Variants in ELAVL1 observed in about 807,000 individuals in gnomAD.
ELAVL1 encodes ELAV like RNA binding protein 1, also known as ELAV-like protein 1.
A neutral mutation model predicts 28.4 loss-of-function variants in ELAVL1; 1 was observed. The observed-to-expected ratio is 0.04, with a 90% CI of 0.01 to 0.17. The LOEUF is 0.17. Ranked by LOEUF, ELAVL1 falls within the 10% of genes least tolerant of loss-of-function variation. The pLI is 1.00. For synonymous variants in ELAVL1, 174 were observed against 183.5 expected, an observed-to-expected ratio of 0.95 and a Z score of 0.42; for missense variants, 157 against 447.2, an observed-to-expected ratio of 0.35 and a Z score of 5.85.
At chr19:7,989,343 C>T (rs1985693501) in intron 2 of ELAVL1, among the ~76,000 whole-genome samples, 1 of 152,200 alleles carries the variant, frequency 6.6e-6, no homozygotes, top group African/African-American at 2.4e-5. Context: ...TCCACAACTC[C>T]TGGTGCGCCA....
intron 3 of ELAVL1, among the ~76,000 whole-genome samples, chr19:7,975,188 T>C (rs1053988174): frequency 3.3e-5 from 5 of 152,176 alleles, no homozygotes; most frequent in Non-Finnish European, 7.3e-5. Flanking sequence ...GAGGCTGCCT[T>C]GGCCCCCAGC....
chr19:7,976,671 T>G (rs1985302611), intron 3 of ELAVL1, among the ~76,000 whole-genome samples: 1 of 152,024 alleles, frequency 6.6e-6, no homozygotes, highest in Non-Finnish European at 1.5e-5. Flanking sequence ...GAACTGTGAG[T>G]TGATACCCTT....
chr19:7,959,573 CAAGA>C lies in ELAVL1; in HGVS notation c.*3906_*3909del, dbSNP rs1236108403. On this transcript the variant is annotated 3_prime_UTR_variant, in exon 6 of 6. Transcript: ENST00000407627. ...AAAAAAATTTGTTTTTTTAAATGGC[CAAGA>C]AAGAAACCTGAACGATGTCACTGAA... The C allele has an allele frequency of 6.6e-6, 1 of 151,930 alleles. No individual in the cohort carries two copies. The highest frequency in any genetic ancestry group is 1.5e-5 in the Non-Finnish European group (1 of 68,004). The allele number at this position is 151,930 out of a possible 1,614,324, so 9.4% of individuals were successfully genotyped here. A position where few individuals can be genotyped will look rare whatever the true frequency, so the allele number is the denominator to read the frequency against.
intron 2 of ELAVL1, among the ~76,000 whole-genome samples, chr19:7,990,670 G>A (rs1985727995): frequency 6.6e-6 from 1 of 152,178 alleles, no homozygotes; most frequent in African/African-American, 2.4e-5. Context: ...CCAGCCTGAA[G>A]TGAGTTTTCA....
rs150631425 is a variant in ELAVL1 at position 7,963,744 on chromosome 19, G to A, written c.720C>T (p.Ala240=). The A allele has an allele frequency of 1.4e-5, 22 of 1,614,166 alleles. No homozygotes were observed. The highest frequency in any genetic ancestry group is 1.8e-5 in the Non-Finnish European group (21 of 1,180,060). Residue 240 remains alanine (A), a synonymous_variant, in exon 6 of 6, where the codon GCC becomes GCT. Transcript: ENST00000407627. This position sits in a 1 kb window ranked among gnomAD's most constrained non-coding sequence, Gnocchi z 4.5. ...AGATGAAAATGCACCAGCCGGAGGA[G>A]GCGTTTCCTGGCACGTTGACGCCAG... ...GLSGVNVPGN[A]SSGWCIFIYN...
chr19:7,976,575 G>T (rs1985299281), intron 3 of ELAVL1, among the ~76,000 whole-genome samples: 1 of 152,160 alleles, frequency 6.6e-6, no homozygotes, highest in Non-Finnish European at 1.5e-5. Flanking sequence ...CAGAAGCTGT[G>T]AGAGAGGCCT....
At chr19:7,987,389 GGGGCAGGGCTGCCCAGGAAGGCAGC>G (rs1833510164) in intron 2 of ELAVL1, among the ~76,000 whole-genome samples, 1 of 152,186 alleles carries the variant, frequency 6.6e-6, no homozygotes, top group Non-Finnish European at 1.5e-5. Flanking sequence ...ACCAGACACT[GGGGCAGGGCTGCCCAGGAAGGCAGC>G]GGGCAGGACC....
chr19:7,985,536 G>C (rs1985576534), intron 2 of ELAVL1, among the ~76,000 whole-genome samples: 1 of 152,246 alleles, frequency 6.6e-6, no homozygotes, highest in Non-Finnish European at 1.5e-5. Context: ...CCCCTGCCTG[G>C]AGATGGGAGA....
rs367933109 is a variant in ELAVL1 at position 7,992,936 on chromosome 19, C to T, written c.-16-1105G>A. The stretch of plus-strand genomic sequence containing the variant: ...GAACGCAGGCATGTGCCACCACGCC[C>T]GGCTGATTTTTAAAACTTTTTGTAG... On this transcript the variant is annotated intron_variant, in intron 1 of 5. Coordinates refer to ENST00000407627, the MANE Select transcript of ELAVL1 (RefSeq NM_001419.3). 3.1e-4 allele frequency among the ~76,000 whole-genome samples: 47 copies of T among 152,234 alleles called. 1 individual carries two copies. The South Asian group carries it at 5.4e-3, about 17-fold the overall frequency.
In ELAVL1 at chr19:7,981,113, G is replaced by A. The variant is rs201603573; in HGVS notation, c.246C>T (p.Asn82=). 33 of 1,614,028 alleles carry A rather than the reference G, an allele frequency of 2.0e-5. No individual in the cohort carries two copies. Among genetic ancestry groups the A allele is most frequent in the African/African-American group, 4.0e-5 (3 of 74,920 alleles). Residue 82 remains asparagine, a synonymous_variant, in exon 3 of 6, where the codon AAC becomes AAT. Coordinates refer to ENST00000407627, the MANE Select transcript of ELAVL1 (RefSeq NM_001419.3). This position sits in a 1 kb window ranked among gnomAD's most constrained non-coding sequence, Gnocchi z 4.2. ...TGGTTTTTGACTGGAGCCTCAAGCC[G>A]TTCAGCGTGTTGATCGCTCTCTCTG... The part of the protein sequence containing the change: ...KDAERAINTL[N]GLRLQSKTIK...
intron 5 of ELAVL1, among the ~76,000 whole-genome samples, 196 bp downstream of exon 5, chr19:7,967,369 G>A (rs1984983245): frequency 6.6e-6 from 1 of 152,174 alleles, no homozygotes; most frequent in South Asian, 2.1e-4. Context: ...GAAAGACAAC[G>A]CCCAATCGGA....
rs1221492943 is a variant in ELAVL1 at position 8,002,092 on chromosome 19, G to T, written c.-17+3403C>A. 6 of 1,289,136 alleles carry T rather than the reference G, an allele frequency of 4.7e-6. No homozygotes were observed. In the South Asian group the frequency reaches 4.9e-5, roughly 11 times the overall value. The allele number at this position is 1,289,136 out of a possible 1,614,324, so 79.9% of individuals were successfully genotyped here. On this transcript the variant is annotated intron_variant, in intron 1 of 5. Transcript: ENST00000407627. ...CAAGCCCTCTGCCCAGTGGACACCT[G>T]AGCACTCCTGCCACCACTACCCATC...
Position 7,978,361 on chromosome 19 carries a change from C to T in ELAVL1, c.276+2722G>A, listed in dbSNP as rs538064830. ...GGCTGGGGCTGTGAGCTGGGCGATA[C>T]CGGCCTGACCTCCAGGGTGGGGGAG... On this transcript the variant is annotated intron_variant, in intron 3 of 5. Coordinates refer to ENST00000407627, the MANE Select transcript of ELAVL1 (RefSeq NM_001419.3). Among the ~76,000 whole-genome samples, 3 of 152,160 alleles carry T rather than the reference C, an allele frequency of 2.0e-5. No homozygotes were observed. The East Asian group carries it at 5.8e-4, about 29-fold the overall frequency.
chr19:7,968,286 T>A (rs1168466537), intron 4 of ELAVL1, among the ~76,000 whole-genome samples: 1 of 152,190 alleles, frequency 6.6e-6, no homozygotes, highest in Non-Finnish European at 1.5e-5. Flanking sequence ...GCAGGCCTCG[T>A]GGCCGAGCCT....
In ELAVL1 at chr19:7,960,422, G is replaced by A. The variant is rs1984774121; in HGVS notation, c.*3061C>T. On this transcript the variant is annotated 3_prime_UTR_variant, in exon 6 of 6. Transcript: ENST00000407627. The stretch of plus-strand genomic sequence containing the variant: ...AATTTCAGGATATTCACGCAGGATG[G>A]TGGCCGGGGAGGGGACTCAGCACCC... The A allele has an allele frequency of 6.6e-6, 1 of 152,256 alleles. No homozygotes were observed. The highest frequency in any genetic ancestry group is 1.5e-5 in the Non-Finnish European group (1 of 68,050). The allele number at this position is 152,256 out of a possible 1,614,324, so 9.4% of individuals were successfully genotyped here.
intron 2 of ELAVL1, among the ~76,000 whole-genome samples, chr19:7,983,453 C>G (rs1047892024): frequency 1.8e-4 from 27 of 152,166 alleles, no homozygotes; most frequent in African/African-American, 6.5e-4. Context: ...CTGGACACCA[C>G]GGGAGGGACT....
chr19:7,971,427 T>C (rs1454319663), intron 4 of ELAVL1, among the ~76,000 whole-genome samples: 3 of 151,974 alleles, frequency 2.0e-5, no homozygotes, highest in African/African-American at 7.3e-5. Context: ...TGAGGTTGGT[T>C]CCCCCGGCCC....
In ELAVL1 at chr19:7,996,156, G is replaced by A. The variant is rs564669949; in HGVS notation, c.-16-4325C>T. ...CTCTCAAAGTATTAGAATTATAGGC[G>A]TAAGCCACCTCACCCAACCCAGAAC... On this transcript the variant is annotated intron_variant, in intron 1 of 5. Transcript: ENST00000407627. Among the ~76,000 whole-genome samples the A allele has an allele frequency of 8.7e-4, 131 of 151,146 alleles. 1 individual carries two copies. In the South Asian group the frequency reaches 0.021, roughly 24 times the overall value.
In ELAVL1 at chr19:7,991,770, C is replaced by A. The variant is rs183919265; in HGVS notation, c.46G>T (p.Asp16Tyr). The A allele has an allele frequency of 3.1e-6, 5 of 1,614,168 alleles. No individual in the cohort carries two copies. The Admixed American group carries it at 8.3e-5, about 27-fold the overall frequency. The change falls in exon 2 of 6, where the codon GAC (aspartate) becomes TAC (tyrosine). Residue 16 changes from aspartate to tyrosine, a missense_variant. Physicochemically the swap from Asp to Tyr is radical, Grantham distance 160. Around this residue, in one of 4 missense-constraint regions of ELAVL1, gnomAD observed 22 missense variants for 23.7 expected, o/e 0.93. Coordinates refer to ENST00000407627, the MANE Select transcript of ELAVL1 (RefSeq NM_001419.3). ...EDHMAEDCRG[D>Y]IGRTNLIVNY... is the part of the protein sequence containing the mutation. ...ACGATCAAATTCGTTCTCCCGATGT[C>A]ACCCCTGCAGTCTTCGGCCATGTGG...
Sources: allele counts gnomAD v4.1 joint callset (sites outside exome capture counted in the v4.1 genomes callset), GRCh38; gene constraint gnomAD v4.1.1; regional missense constraint gnomAD v4.1.1; non-coding constraint Gnocchi (gnomAD v3.1); transcripts MANE v1.5; gene names NCBI Gene and HGNC (gene_info 2026-07-23, HGNC 2026-07-21).